PGAP1: variants seen among roughly 807,000 people sequenced by gnomAD.
The protein encoded by PGAP1 is GPI inositol-deacylase.
In PGAP1, 76 loss-of-function variants were observed where a neutral mutation model predicts 127.0. The ratio of observed to expected loss-of-function variants is 0.60; its 90% CI spans 0.50 to 0.72. PGAP1 has a LOEUF of 0.72. Among genes scored for constraint, PGAP1 ranks in the 30% least tolerant of loss-of-function variants. The probability of loss-of-function intolerance (pLI) is 0.00; values close to 1 mark genes in which losing one functional copy is unlikely to be tolerated. For synonymous variants in PGAP1, 362 were observed against 366.5 expected (o/e 0.99, Z 0.14); for missense variants, 982 against 1,071.3 (o/e 0.92, Z 1.16).
At chr2:196,911,148 C>G (rs1702793967) in intron 4 of PGAP1, among the ~76,000 whole-genome samples, 1 of 3,426 alleles carries the variant, frequency 2.9e-4, no homozygotes, top group African/African-American at 1.8e-3. Context: ...TATAAAGACA[C>G]ATGCACACGT....
intron 20 of PGAP1, among the ~76,000 whole-genome samples, chr2:196,857,150 T>C (rs539459360): frequency 1.3e-5 from 2 of 152,204 alleles, no homozygotes; most frequent in African/African-American, 2.4e-5. Flanking sequence ...GAAAACCCCA[T>C]AGTCTCGGCT....
Position 196,843,994 on chromosome 2 carries a change from T to C in PGAP1, c.2419A>G (p.Asn807Asp). 1 of 1,608,804 alleles carries C rather than the reference T, an allele frequency of 6.2e-7. No homozygotes were observed. Among genetic ancestry groups the C allele is most frequent in the South Asian group, 1.1e-5 (1 of 90,468 alleles). Residue 807 changes from asparagine to aspartate, a missense_variant, in exon 25 of 27, where the codon AAC (asparagine) becomes GAC (aspartate). Coordinates refer to ENST00000354764, the MANE Select transcript of PGAP1 (RefSeq NM_024989.4). ...SSIHHLRLSA[N>D]DAEDSLRMHS... Reference sequence around the variant, plus strand: ...ATGCGAAGGCTATCTTCAGCATCGTTGGCAGATAAACGAAGATGGTGTATT... The same window carrying C: ...ATGCGAAGGCTATCTTCAGCATCGTCGGCAGATAAACGAAGATGGTGTATT...
Position 196,893,156 on chromosome 2 carries a change from T to C in PGAP1, c.1017A>G (p.Ile339Met). The C allele has an allele frequency of 2.5e-6, 4 of 1,584,466 alleles. No individual in the cohort carries two copies. Among genetic ancestry groups the C allele is most frequent in the African/African-American group, 1.3e-5 (1 of 74,336 alleles). Residue 339 changes from isoleucine to methionine, a missense_variant, in exon 8 of 27, where the codon ATA becomes ATG. Coordinates refer to ENST00000354764, the MANE Select transcript of PGAP1 (RefSeq NM_024989.4). ...PSKHFEENPAIISDLTGTSMW... is the reference protein window; with the variant it reads ...PSKHFEENPAMISDLTGTSMW... ...GTCACCAACCTGTTAAGTCAGAAAT[T>C]ATAGCTGGATTTTCCTCAAAATGTT...
intron 1 of PGAP1, 67 bp from the exon 2 acceptor site, chr2:196,920,217 C>G: frequency 1.4e-6 from 2 of 1,409,200 alleles, no homozygotes; most frequent in South Asian, 2.8e-5. Flanking sequence ...TCACCATATG[C>G]AATTCTGAAT....
chr2:196,872,927 C>A, intron 17 of PGAP1, 33 bp downstream of exon 17: 1 of 757,050 alleles, frequency 1.3e-6, no homozygotes, highest in South Asian at 1.7e-5. Flanking sequence ...TCAAAAACAC[C>A]AAAGTTTAAA....
At chr2:196,914,774 T>C (rs1382371866) in intron 3 of PGAP1, among the ~76,000 whole-genome samples, 1 of 152,084 alleles carries the variant, frequency 6.6e-6, no homozygotes. Context: ...AAACTGCTCT[T>C]GCTAAATCAC....
At chr2:196,846,046 AT>A (rs1700547538) in intron 22 of PGAP1, 29 bp from the exon 23 acceptor site, 1 of 1,351,700 alleles carries the variant, frequency 7.4e-7, no homozygotes, top group East Asian at 2.6e-5. Flanking sequence ...AGTTTAAAAT[AT>A]ATATTAACAA....
rs1702161205 is a variant in PGAP1 at position 196,893,199 on chromosome 2, A to C, written c.974T>G (p.Phe325Cys). 1.2e-6 allele frequency: 2 copies of C among 1,601,280 alleles called. No individual in the cohort carries two copies. Reference protein sequence around the residue: ...KKKLSVLYHHFIRHPSKHFEE... With the variant: ...KKKLSVLYHHCIRHPSKHFEE... The stretch of plus-strand genomic sequence containing the variant: ...AAAATGTTTTGATGGGTGTCTTATA[A>C]AGTGGTGATACAAAACTGACAGTTT... Residue 325 changes from phenylalanine to cysteine, a missense_variant, in exon 8 of 27, where the codon TTT becomes TGT. Coordinates refer to ENST00000354764, the MANE Select transcript of PGAP1 (RefSeq NM_024989.4).
chr2:196,879,467 G>A (rs991926397), intron 13 of PGAP1, among the ~76,000 whole-genome samples: 1 of 152,118 alleles, frequency 6.6e-6, no homozygotes, highest in Admixed American at 6.5e-5. Flanking sequence ...GGCCAAGGTG[G>A]GCGGATCACC....
chr2:196,893,422 C>T lies in PGAP1; in HGVS notation c.928-177G>A, dbSNP rs909431626. 2.0e-5 allele frequency among the ~76,000 whole-genome samples: 3 copies of T among 152,108 alleles called. No individual in the cohort carries two copies. The South Asian group carries it at 6.2e-4, about 32-fold the overall frequency. On this transcript the variant is annotated intron_variant, in intron 7 of 26. Coordinates refer to ENST00000354764, the MANE Select transcript of PGAP1 (RefSeq NM_024989.4). ...CAAAAACTCTAAGAGATAATGATTT[C>T]GCCTGCATTTGAAATGTGAATAAAC...
intron 20 of PGAP1, among the ~76,000 whole-genome samples, chr2:196,861,233 A>T (rs1416858283): frequency 6.6e-6 from 1 of 152,188 alleles, no homozygotes; most frequent in East Asian, 1.9e-4. Flanking sequence ...CTACCACAAG[A>T]ATATATTGGA....
At chr2:196,882,586 C>T (rs1328060611) in intron 12 of PGAP1, among the ~76,000 whole-genome samples, 2 of 151,936 alleles carry the variant, frequency 1.3e-5, no homozygotes, top group African/African-American at 2.4e-5. Context: ...AGTTGTATTC[C>T]TAGGTCTTTT....
chr2:196,884,944 T>C (rs1701849715), intron 12 of PGAP1, among the ~76,000 whole-genome samples: 1 of 152,178 alleles, frequency 6.6e-6, no homozygotes, highest in Non-Finnish European at 1.5e-5. Context: ...AACTATTAAA[T>C]AAATCCCTGC....
chr2:196,919,672 C>G (rs1163725342), intron 2 of PGAP1, among the ~76,000 whole-genome samples: 1 of 152,174 alleles, frequency 6.6e-6, no homozygotes, highest in Non-Finnish European at 1.5e-5. Flanking sequence ...AGGTTCTGTT[C>G]TCTTTACCCT....
intron 1 of PGAP1, among the ~76,000 whole-genome samples, chr2:196,924,895 A>G (rs1055127637): frequency 1.3e-5 from 2 of 152,210 alleles, no homozygotes; most frequent in Admixed American, 6.5e-5. Flanking sequence ...CTAAAAATAA[A>G]TGGGAATTAG....
chr2:196,898,439 A>G, intron 5 of PGAP1, 70 bp from the exon 6 acceptor site: 1 of 1,045,290 alleles, frequency 9.6e-7, no homozygotes, highest in Non-Finnish European at 1.5e-6. Flanking sequence ...TGAAATTCTT[A>G]CAAGCTAATA....
intron 20 of PGAP1, among the ~76,000 whole-genome samples, chr2:196,859,276 G>A (rs562158179): frequency 3.3e-5 from 5 of 152,208 alleles, no homozygotes; most frequent in East Asian, 1.9e-4. Context: ...GCAGTGAGCC[G>A]AGATTGCACT....
At chr2:196,879,135 A>T (rs116236610) in intron 13 of PGAP1, among the ~76,000 whole-genome samples, 3,316 of 152,252 alleles carry the variant, frequency 0.022, 51 homozygotes, top group Non-Finnish European at 0.031. Flanking sequence ...ATTCACAGGC[A>T]TAATCATAGC....
chr2:196,904,263 T>C (rs1702606224), intron 4 of PGAP1, among the ~76,000 whole-genome samples: 1 of 152,226 alleles, frequency 6.6e-6, no homozygotes, highest in Admixed American at 6.5e-5. Context: ...CTTCCCATCC[T>C]AATTCGATCC....
Sources: gnomAD v4.1 joint callset for allele counts (sites outside exome capture counted in the v4.1 genomes callset) on GRCh38, gnomAD v4.1.1 for gene constraint, MANE v1.5 for transcripts, NCBI Gene and HGNC (gene_info 2026-07-23, HGNC 2026-07-21) for gene names.